Variants in LITAF observed in about 807,000 individuals in gnomAD.
LITAF encodes the protein lipopolysaccharide induced TNF factor.
In LITAF, 9 loss-of-function variants were observed where a neutral mutation model predicts 14.5. The observed-to-expected ratio is 0.62, with a 90% confidence interval of 0.37 to 1.08. The LOEUF is 1.08. Among genes scored for constraint, LITAF ranks in the 50% least tolerant of loss-of-function variants. The pLI is 0.01. For synonymous variants in LITAF, 98 were observed against 88.2 expected, an observed-to-expected ratio of 1.11 and a Z score of -0.62; for missense variants, 206 against 213.4, an observed-to-expected ratio of 0.97 and a Z score of 0.22.
chr16:11,554,764 G>C (rs2064242084), intron 2 of LITAF, among the ~76,000 whole-genome samples: 1 of 145,592 alleles, frequency 6.9e-6, no homozygotes, highest in South Asian at 2.2e-4. Context: ...CTCCAGCCTG[G>C]GCAACAGAAC....
At chr16:11,577,742 G>T (rs1411745817) in intron 1 of LITAF, among the ~76,000 whole-genome samples, 3 of 151,878 alleles carry the variant, frequency 2.0e-5, no homozygotes, top group East Asian at 1.9e-4. Flanking sequence ...TTGAGACAGG[G>T]TCTCACTCTG....
intron 3 of LITAF, among the ~76,000 whole-genome samples, chr16:11,550,235 G>A (rs1266843618): frequency 6.6e-6 from 1 of 152,140 alleles, no homozygotes; most frequent in African/African-American, 2.4e-5. Context: ...GATTGCAGGC[G>A]CATGCCACCA....
chr16:11,572,467 A>ACGG (rs2064559440), intron 1 of LITAF, among the ~76,000 whole-genome samples: 1 of 149,198 alleles, frequency 6.7e-6, no homozygotes, highest in African/African-American at 2.6e-5. Flanking sequence ...CACACCAGCG[A>ACGG]GAAGTCACAT....
chr16:11,625,054 T>A (rs2065075410), intron 3 of LITAF, among the ~76,000 whole-genome samples: 1 of 152,100 alleles, frequency 6.6e-6, no homozygotes, highest in Admixed American at 6.6e-5. Context: ...TGAGACAAAC[T>A]GCTGGGTGAA....
chr16:11,573,556 T>C (rs2064579638), intron 1 of LITAF, among the ~76,000 whole-genome samples: 1 of 152,210 alleles, frequency 6.6e-6, no homozygotes, highest in African/African-American at 2.4e-5. Flanking sequence ...CAATCAGGGA[T>C]GGTCCCTCCC....
intron 1 of LITAF, among the ~76,000 whole-genome samples, chr16:11,572,066 G>A (rs540501595): frequency 2.0e-4 from 30 of 152,166 alleles, no homozygotes; most frequent in Non-Finnish European, 3.4e-4. Flanking sequence ...TCCTGCCTGG[G>A]TGAAAGAGCA....
intron 3 of LITAF, among the ~76,000 whole-genome samples, chr16:11,614,981 T>C (rs1406682526): frequency 6.6e-6 from 1 of 151,978 alleles, no homozygotes; most frequent in Non-Finnish European, 1.5e-5. Context: ...TGGGGCCGGG[T>C]CTGAGTGCCT....
intron 3 of LITAF, among the ~76,000 whole-genome samples, chr16:11,615,616 C>T (rs111736890): frequency 0.053 from 8,116 of 152,128 alleles, 311 homozygotes; most frequent in Middle Eastern, 0.15. Flanking sequence ...TGCAGTGAAC[C>T]GAGATTGCAC....
upstream of LITAF, among the ~76,000 whole-genome samples, chr16:11,636,823 T>C (rs2065140152): frequency 6.6e-6 from 1 of 152,176 alleles, no homozygotes; most frequent in South Asian, 2.1e-4. Flanking sequence ...AAAAGTGAAA[T>C]TCCACCGAGG....
At chr16:11,618,708 G>C (rs2065031704) in intron 3 of LITAF, among the ~76,000 whole-genome samples, 2 of 152,154 alleles carry the variant, frequency 1.3e-5, no homozygotes, top group Admixed American at 6.5e-5. Context: ...GCACTGGCCG[G>C]CCGCGGGGGC....
chr16:11,596,377 C>T (rs1189249244), intron 1 of LITAF, among the ~76,000 whole-genome samples: 3 of 148,398 alleles, frequency 2.0e-5, no homozygotes, highest in African/African-American at 5.0e-5. Flanking sequence ...GATTGTGCTG[C>T]ATGACTGTGT....
chr16:11,555,765 C>A (rs954546795), intron 2 of LITAF, among the ~76,000 whole-genome samples: 1 of 151,980 alleles, frequency 6.6e-6, no homozygotes, highest in African/African-American at 2.4e-5. Context: ...ATAACTTGAA[C>A]ACAACAATAA....
chr16:11,604,948 C>T (rs778749569), intron 3 of LITAF, among the ~76,000 whole-genome samples: 3 of 152,138 alleles, frequency 2.0e-5, no homozygotes, highest in South Asian at 2.1e-4. Context: ...ACTGCCATCT[C>T]GGTCATCTTT....
intron 3 of LITAF, among the ~76,000 whole-genome samples, chr16:11,613,260 G>A (rs527991546): frequency 5.3e-5 from 8 of 152,180 alleles, no homozygotes; most frequent in East Asian, 3.9e-4. Context: ...GGCTGGTCTC[G>A]AACGCCTGAC....
chr16:11,584,330 T>A (rs1330724491), intron 1 of LITAF: 1 of 152,130 alleles, frequency 6.6e-6, no homozygotes, highest in Non-Finnish European at 1.5e-5. Context: ...TCTGGGGAAA[T>A]TCCTATTCAG....
chr16:11,608,927 T>C (rs151111599), intron 3 of LITAF, among the ~76,000 whole-genome samples: 2,005 of 151,524 alleles, frequency 0.013, 50 homozygotes, highest in African/African-American at 0.046. Context: ...CCAGCCTGGG[T>C]GACAGAGTGA....
At chr16:11,563,593 C>G (rs1216696734) in intron 1 of LITAF, among the ~76,000 whole-genome samples, 1 of 152,138 alleles carries the variant, frequency 6.6e-6, no homozygotes, top group Non-Finnish European at 1.5e-5. Context: ...ATGCCACATA[C>G]TTGATGCCAT....
At position 11,594,883 on chromosome 16, in the gene LITAF, T is replaced by TAA. The variant is rs200817680; in HGVS notation, c.-6+3503_-6+3504dup. Among the ~76,000 whole-genome samples, 3 of 98,526 alleles carry TAA rather than the reference T, an allele frequency of 3.0e-5. No homozygotes were observed. The South Asian group carries it at 8.6e-4, about 28-fold the overall frequency. 64.6% of individuals were successfully genotyped at this position (98,526 alleles called of 152,430 possible). A position where few individuals can be genotyped will look rare whatever the true frequency, so the allele number is the denominator to read the frequency against. On this transcript the variant is annotated intron_variant, in intron 1 of 3. Coordinates refer to the LITAF transcript ENST00000571627. ...AGAGCAAGACTCCATCTCAAAAAAATAAAAAAAAATAAAATAAAGTAAAAT... is the reference window on the plus strand; with the variant it reads ...AGAGCAAGACTCCATCTCAAAAAAATAAAAAAAAAAATAAAATAAAGTAAAAT...
At chr16:11,618,712 C>CG (rs988713825) in intron 3 of LITAF, among the ~76,000 whole-genome samples, 2 of 152,082 alleles carry the variant, frequency 1.3e-5, no homozygotes, top group African/African-American at 4.8e-5. Context: ...TGGCCGGCCG[C>CG]GGGGGCTCAC....
Sources: gnomAD v4.1 joint callset for allele counts (sites outside exome capture counted in the v4.1 genomes callset) on GRCh38, gnomAD v4.1.1 for gene constraint, MANE v1.5 for transcripts, NCBI Gene and HGNC (gene_info 2026-07-23, HGNC 2026-07-21) for gene names.